Variants in UTRN observed in about 807,000 individuals in gnomAD.
UTRN encodes the protein utrophin.
Under a neutral mutation model 463.9 loss-of-function variants are expected in UTRN, and 283 were observed. That is an observed-to-expected ratio of 0.61 (90% CI 0.55 to 0.67). UTRN has a LOEUF of 0.67. Among genes scored for constraint, UTRN ranks in the 30% least tolerant of loss-of-function variants. The probability of loss-of-function intolerance (pLI) is 0.00; values close to 1 mark genes in which losing one functional copy is unlikely to be tolerated. For synonymous variants in UTRN, 1,442 were observed against 1,431.5 expected (o/e 1.01, Z -0.17); for missense variants, 3,922 against 4,084.3 (o/e 0.96, Z 1.08).
intron 51 of UTRN, among the ~76,000 whole-genome samples, chr6:144,673,243 T>C (rs537574790): frequency 6.6e-6 from 1 of 152,272 alleles, no homozygotes; most frequent in South Asian, 2.1e-4. Flanking sequence ...CTTTCTGTCT[T>C]GATGACCCCT....
intron 45 of UTRN, among the ~76,000 whole-genome samples, chr6:144,542,338 A>T (rs1798048605): frequency 6.6e-6 from 1 of 152,152 alleles, no homozygotes; most frequent in African/African-American, 2.4e-5. Context: ...TCAAAACTCC[A>T]TTTGATTCCT....
chr6:144,642,913 C>T (rs557627566), intron 51 of UTRN, among the ~76,000 whole-genome samples: 3 of 152,190 alleles, frequency 2.0e-5, no homozygotes, highest in African/African-American at 4.8e-5. Flanking sequence ...TAATTTAATA[C>T]TTTTTTGCTC....
chr6:144,797,933 C>T lies in UTRN; in HGVS notation c.9188C>T (p.Thr3063Ile), dbSNP rs780607367. 1.2e-6 allele frequency: 2 copies of T among 1,614,192 alleles called. No individual in the cohort carries two copies. Among genetic ancestry groups the T allele is most frequent in the African/African-American group, 1.3e-5 (1 of 75,064 alleles). The part of the protein sequence containing the change: ...PVLHRVAAAE[T>I]AKHQAKCNIC... ...TTACATCGAGTGGCAGCAGCGGAGA[C>T]TGCAAAACATCAGGCCAAATGCAAC... Residue 3063 changes from threonine to isoleucine, a missense_variant, in exon 64 of 75, where the codon ACT (threonine) becomes ATT (isoleucine). This residue lies in a region of UTRN where 1,309 missense variants were observed against 1,452.6 expected (regional missense o/e 0.90). Coordinates refer to ENST00000367545, the MANE Select transcript of UTRN (RefSeq NM_007124.3).
In UTRN at chr6:144,613,513, CA is replaced by C. The variant is rs1008090747; in HGVS notation, c.7479+36230del. Among the ~76,000 whole-genome samples the C allele has an allele frequency of 2.8e-4, 42 of 151,984 alleles. No homozygotes were observed. In the East Asian group the frequency reaches 3.1e-3, roughly 11 times the overall value. ...CCACTATGGTTTTTCAATTACAAAA[CA>C]AAAACAAAAACACTAAATGCATGTT... On this transcript the variant is annotated intron_variant, in intron 51 of 74. Coordinates refer to ENST00000367545, the MANE Select transcript of UTRN (RefSeq NM_007124.3).
chr6:144,440,421 G>C lies in UTRN; in HGVS notation c.1462G>C (p.Asp488His). ...NSLTHMVVIV[D>H]ENSGESATAI... ...ACTAACTCACATGGTGGTCATTGTT[G>C]ATGAAAACAGTGGTGAGAGTGCTAC... The change falls in exon 13 of 75, where the codon GAT becomes CAT. Residue 488 changes from aspartate (D) to histidine (H), a missense_variant. Asp to His is a moderately conservative substitution (Grantham distance 81, BLOSUM62 -1). Transcript: ENST00000367545. The C allele has an allele frequency of 6.2e-7, 1 of 1,614,188 alleles. No homozygotes were observed. The highest frequency in any genetic ancestry group is 8.5e-7 in the Non-Finnish European group (1 of 1,180,034).
chr6:144,410,578 T>C (rs4461753), intron 3 of UTRN, among the ~76,000 whole-genome samples: 113,772 of 149,334 alleles, frequency 0.76, 43,413 homozygotes, highest in East Asian at 0.84. Flanking sequence ...CACTCCCACC[T>C]GCACCCCCCG....
Position 144,601,755 on chromosome 6 carries a change from A to T in UTRN, c.7479+24467A>T, listed in dbSNP as rs75117712. ...TGAAACAAGTTCTAATGTGGACAAA[A>T]TGCTACCGAGACATCTTTCATGAAA... is the stretch of plus-strand genomic sequence containing the variant. On this transcript the variant is annotated intron_variant, in intron 51 of 74. Coordinates refer to ENST00000367545, the MANE Select transcript of UTRN (RefSeq NM_007124.3). 2.4e-3 allele frequency among the ~76,000 whole-genome samples: 372 copies of T among 152,314 alleles called. 12 individuals are homozygous for T. The East Asian group carries it at 0.057, about 23-fold the overall frequency.
intron 61 of UTRN, among the ~76,000 whole-genome samples, chr6:144,782,638 A>ATAT (rs1491127233): frequency 6.7e-6 from 1 of 149,308 alleles, no homozygotes; most frequent in African/African-American, 2.5e-5. Flanking sequence ...ATATATATAT[A>ATAT]ATATATATAT....
At chr6:144,292,349 T>C (rs1804319850) in intron 2 of UTRN, among the ~76,000 whole-genome samples, 1 of 152,168 alleles carries the variant, frequency 6.6e-6, no homozygotes, top group African/African-American at 2.4e-5. Context: ...GGCCAACAGG[T>C]GTCCTACCTT....
rs7743394 is a variant in UTRN at position 144,792,533 on chromosome 6, G to A, written c.8921-1301G>A. Among the ~76,000 whole-genome samples, 666 of 151,498 alleles carry A rather than the reference G, an allele frequency of 4.4e-3. 2 individuals are homozygous for A. Among genetic ancestry groups the A allele is most frequent in the African/African-American group, 0.013 (553 of 41,318 alleles). On this transcript the variant is annotated intron_variant, in intron 62 of 74. Transcript: ENST00000367545. ...TTGCACTCCAGCCTGGGCAACAAGA[G>A]CAACACTCCATCTCAAAAAAAAAAA...
At chr6:144,837,004 C>T (rs1781159598) in intron 71 of UTRN, 1 of 166,360 alleles carries the variant, frequency 6.0e-6, no homozygotes, top group Admixed American at 5.5e-5. Flanking sequence ...TATTTCCTAA[C>T]ACTGGACCAT....
intron 17 of UTRN, among the ~76,000 whole-genome samples, chr6:144,449,325 A>G (rs952277663): frequency 3.3e-5 from 5 of 152,332 alleles, no homozygotes; most frequent in Admixed American, 2.6e-4. Flanking sequence ...TTTAAAATAT[A>G]TGCTTAAAAA....
chr6:144,641,588 G>T (rs979455178), intron 51 of UTRN, among the ~76,000 whole-genome samples: 1 of 152,104 alleles, frequency 6.6e-6, no homozygotes, highest in African/African-American at 2.4e-5. Context: ...CAAGAGGATT[G>T]GTCCATTCAG....
chr6:144,843,847 T>A (rs1268079728), intron 73 of UTRN, among the ~76,000 whole-genome samples: 1 of 152,222 alleles, frequency 6.6e-6, no homozygotes, highest in Non-Finnish European at 1.5e-5. Context: ...GATAAAAAGC[T>A]GTTGGTTTAA....
chr6:144,617,052 T>C (rs1806196516), intron 51 of UTRN, among the ~76,000 whole-genome samples: 1 of 152,204 alleles, frequency 6.6e-6, no homozygotes, highest in Non-Finnish European at 1.5e-5. Flanking sequence ...ACTTGTGCCA[T>C]AATACTGTTA....
chr6:144,500,599 A>G (rs1443873755), intron 34 of UTRN, among the ~76,000 whole-genome samples: 3 of 152,208 alleles, frequency 2.0e-5, no homozygotes, highest in Non-Finnish European at 2.9e-5. Flanking sequence ...TCAATGACAC[A>G]TATTTACAGA....
intron 51 of UTRN, among the ~76,000 whole-genome samples, chr6:144,618,078 G>A (rs1806332263): frequency 6.6e-6 from 1 of 152,144 alleles, no homozygotes; most frequent in South Asian, 2.1e-4. Flanking sequence ...GAGTGTTAAT[G>A]CACTTACATT....
chr6:144,669,906 C>T (rs12196938), intron 51 of UTRN, among the ~76,000 whole-genome samples: 21 of 151,836 alleles, frequency 1.4e-4, no homozygotes, highest in East Asian at 7.7e-4. Flanking sequence ...TTTCTGTGAA[C>T]GCCATTATTT....
intron 23 of UTRN, among the ~76,000 whole-genome samples, chr6:144,472,231 T>G (rs764891282): frequency 1.3e-5 from 2 of 152,144 alleles, no homozygotes; most frequent in Non-Finnish European, 2.9e-5. Context: ...TAGGAAAGAA[T>G]GTCGTGGTCA....
Sources: allele counts gnomAD v4.1 joint callset (sites outside exome capture counted in the v4.1 genomes callset), GRCh38; gene constraint gnomAD v4.1.1; regional missense constraint gnomAD v4.1.1; transcripts MANE v1.5; gene names NCBI Gene and HGNC (gene_info 2026-07-23, HGNC 2026-07-21).